Variants in SYNE1 observed in about 807,000 individuals in gnomAD.
The protein encoded by SYNE1 is spectrin repeat containing nuclear envelope protein 1, also known as nesprin-1.
SYNE1 carries 616 observed loss-of-function variants against 1,111.0 expected under a neutral mutation model. The ratio of observed to expected loss-of-function variants is 0.55; its 90% CI spans 0.52 to 0.59. SYNE1 has a LOEUF of 0.59. SYNE1 is among the 20% of genes least tolerant of loss of function. The pLI, the probability that SYNE1 is intolerant of heterozygous loss-of-function variation, is 0.00. For missense variants in SYNE1, 10,006 were observed against 10,417.0 expected (o/e 0.96, Z 1.72); for synonymous variants, 3,855 against 3,825.8 (o/e 1.01, Z -0.28).
At chr6:152,138,304 A>G (rs2057545355) in intron 140 of SYNE1, among the ~76,000 whole-genome samples, 1 of 152,066 alleles carries the variant, frequency 6.6e-6, no homozygotes, top group Non-Finnish European at 1.5e-5. Context: ...TGAGGTCAGG[A>G]ATTCGAGACC....
At position 152,141,298 on chromosome 6, in the gene SYNE1, A is replaced by G; in HGVS notation, c.25151T>C (p.Ile8384Thr). 6.2e-7 allele frequency: 1 copy of G among 1,614,176 alleles called. No homozygotes were observed. Among genetic ancestry groups the G allele is most frequent in the Non-Finnish European group, 8.5e-7 (1 of 1,180,034 alleles). The change falls in exon 139 of 146, where the codon ATA becomes ACA. Residue 8384 changes from isoleucine (I) to threonine (T), a missense_variant. Ile to Thr is a moderately conservative substitution (Grantham distance 89, BLOSUM62 -1). Coordinates refer to ENST00000367255, the MANE Select transcript of SYNE1 (RefSeq NM_182961.4). ...MKLLGECSSS[I>T]DSVKRLEHKL... Reference sequence around the variant, plus strand: ...GTGCTCCAGTCTCTTCACGGAGTCTATACTGCTACTGCATTCGCCCAGCAG... The same window carrying G: ...GTGCTCCAGTCTCTTCACGGAGTCTGTACTGCTACTGCATTCGCCCAGCAG...
chr6:152,568,547 C>A (rs1307198502), intron 3 of SYNE1, among the ~76,000 whole-genome samples: 2 of 152,106 alleles, frequency 1.3e-5, no homozygotes, highest in Admixed American at 6.6e-5. Flanking sequence ...AGTTGATCCA[C>A]CTGCTTTGTG....
intron 6 of SYNE1, among the ~76,000 whole-genome samples, chr6:152,519,044 AAG>A (rs2099126499): frequency 1.3e-5 from 2 of 151,992 alleles, no homozygotes; most frequent in African/African-American, 2.4e-5. Flanking sequence ...GCTAAATGAC[AAG>A]CTAATGGGTG....
At chr6:152,514,563 T>C (rs1285618820) in intron 6 of SYNE1, among the ~76,000 whole-genome samples, 1 of 151,630 alleles carries the variant, frequency 6.6e-6, no homozygotes, top group Non-Finnish European at 1.5e-5. Context: ...CACCATGGCA[T>C]GTGTATACCT....
At chr6:152,206,146 G>T (rs200050007) in intron 126 of SYNE1, 22 bp downstream of exon 126, 9 of 1,608,052 alleles carry the variant, frequency 5.6e-6, no homozygotes, top group Non-Finnish European at 7.6e-6. Context: ...TTTTTGGTTC[G>T]TTTTTTTCTA....
At chr6:152,425,586 G>A (rs780534819) in intron 38 of SYNE1, 39 bp from the exon 39 acceptor site, 4 of 1,612,782 alleles carry the variant, frequency 2.5e-6, no homozygotes, top group Non-Finnish European at 3.4e-6. Context: ...ATCCTAACAG[G>A]ACTGAAAAGT....
At chr6:152,133,095 G>A (rs561935054) in intron 143 of SYNE1, among the ~76,000 whole-genome samples, 181 bp downstream of exon 143, 8 of 152,300 alleles carry the variant, frequency 5.3e-5, no homozygotes, top group African/African-American at 1.9e-4. Context: ...GCAGTGTCCT[G>A]TTGTAAAAGT....
rs557907766 is a variant in SYNE1 at position 152,185,091 on chromosome 6, C to T, written c.23301+4161G>A. Among the ~76,000 whole-genome samples, 23 of 152,130 alleles carry T rather than the reference C, an allele frequency of 1.5e-4. No homozygotes were observed. In the South Asian group the frequency reaches 2.3e-3, roughly 15 times the overall value. On this transcript the variant is annotated intron_variant, in intron 128 of 145. Coordinates refer to ENST00000367255, the MANE Select transcript of SYNE1 (RefSeq NM_182961.4). ...TTACCATGATGTTTTGACAAAACAA[C>T]GAGCAATTACGATGATGACATATAC...
chr6:152,310,437 C>T lies in SYNE1; in HGVS notation c.16978G>A (p.Val5660Ile), dbSNP rs1055375511. ...TGCTCCTTGAGACTGAGACGTCCAA[C>T]TTCTGGAGAAGTCAGTGTTGCCTGG... ...QAQATLTSPE[V>I]GRLSLKEQLS... is the part of the protein sequence containing the mutation. Residue 5660 changes from valine (V) to isoleucine (I), a missense_variant, in exon 89 of 146, where the codon GTT (valine) becomes ATT (isoleucine). Val to Ile is a conservative substitution (Grantham distance 29). This residue lies in a region of SYNE1 where 4,955 missense variants were observed against 5,017.2 expected (regional missense o/e 0.99). Transcript: ENST00000367255. 5.6e-6 allele frequency: 9 copies of T among 1,614,064 alleles called. No homozygotes were observed. The highest frequency in any genetic ancestry group is 1.7e-5 in the Admixed American group (1 of 60,008).
intron 16 of SYNE1, among the ~76,000 whole-genome samples, chr6:152,469,176 G>C (rs1351230863): frequency 6.6e-6 from 1 of 152,040 alleles, no homozygotes; most frequent in Non-Finnish European, 1.5e-5. Context: ...AAAGTTTTCA[G>C]CCTCTTTGAA....
At chr6:152,588,359 G>A (rs960364558) in intron 3 of SYNE1, among the ~76,000 whole-genome samples, 3 of 152,198 alleles carry the variant, frequency 2.0e-5, no homozygotes, top group South Asian at 2.1e-4. Context: ...GGGCTAAATA[G>A]AGATGACAAT....
At position 152,344,184 on chromosome 6, in the gene SYNE1, C is replaced by T. The variant is rs771461121; in HGVS notation, c.12122G>A (p.Arg4041Gln). 6.9e-5 allele frequency: 112 copies of T among 1,614,046 alleles called. No homozygotes were observed. Among genetic ancestry groups the T allele is most frequent in the Non-Finnish European group, 8.5e-5 (100 of 1,180,042 alleles). ...LEHELQKHVS[R>Q]QDTLQQCQAW... The stretch of plus-strand genomic sequence containing the variant: ...CTGGCACTGCTGCAGGGTGTCTTGT[C>T]GGCTGACGTGCTTCTGAAGTTCGTG... Residue 4041 changes from arginine to glutamine, a missense_variant, in exon 74 of 146, where the codon CGA becomes CAA. Transcript: ENST00000367255.
At chr6:152,138,161 C>G (rs2057506291) in intron 140 of SYNE1, among the ~76,000 whole-genome samples, 2 of 152,074 alleles carry the variant, frequency 1.3e-5, no homozygotes. Flanking sequence ...AGGGATGCAC[C>G]TTTTGGATCA....
intron 130 of SYNE1, chr6:152,167,747 C>T: frequency 1.8e-6 from 1 of 543,626 alleles, no homozygotes; most frequent in South Asian, 1.4e-5. Context: ...TCATCAGAAG[C>T]CCATCCTTTA....
At chr6:152,197,299 T>C (rs188332530) in intron 127 of SYNE1, among the ~76,000 whole-genome samples, 107 of 152,368 alleles carry the variant, frequency 7.0e-4, no homozygotes, top group Non-Finnish European at 1.3e-3. Flanking sequence ...CATTTGGTGT[T>C]CCTGCAGGGA....
At chr6:152,459,909 T>C (rs1593153589) in intron 21 of SYNE1, among the ~76,000 whole-genome samples, 1 of 152,236 alleles carries the variant, frequency 6.6e-6, no homozygotes, top group Non-Finnish European at 1.5e-5. Context: ...GAAACGTTTT[T>C]ATGTTCTAGG....
chr6:152,624,300 G>C (rs1181136885), intron 3 of SYNE1, among the ~76,000 whole-genome samples: 2 of 152,074 alleles, frequency 1.3e-5, no homozygotes, highest in African/African-American at 2.4e-5. Context: ...AACCAACACT[G>C]ATATGTTCAT....
At chr6:152,475,613 T>C (rs1453686021) in intron 14 of SYNE1, among the ~76,000 whole-genome samples, 2 of 152,202 alleles carry the variant, frequency 1.3e-5, no homozygotes, top group Non-Finnish European at 2.9e-5. Flanking sequence ...ACATTATTCC[T>C]GAACTTGAGC....
intron 131 of SYNE1, among the ~76,000 whole-genome samples, 182 bp from the exon 132 acceptor site, chr6:152,156,279 G>A (rs1307571091): frequency 1.3e-5 from 2 of 152,130 alleles, no homozygotes; most frequent in African/African-American, 4.8e-5. Flanking sequence ...CTAGAAAATG[G>A]ATGTAGAAAT....
Sources: allele counts gnomAD v4.1 joint callset (sites outside exome capture counted in the v4.1 genomes callset), GRCh38; gene constraint gnomAD v4.1.1; regional missense constraint gnomAD v4.1.1; transcripts MANE v1.5; gene names NCBI Gene and HGNC (gene_info 2026-07-23, HGNC 2026-07-21).